TRIM67: variants seen among roughly 807,000 people sequenced by gnomAD.
TRIM67 encodes tripartite motif-containing protein 67.
TRIM67 carries 39 observed loss-of-function variants against 71.0 expected under a neutral mutation model. The observed-to-expected ratio is 0.55, with a 90% CI of 0.43 to 0.72. The LOEUF (loss-of-function observed/expected upper bound fraction) is 0.72. TRIM67 is among the 30% of genes least tolerant of loss of function. The probability of loss-of-function intolerance (pLI) is 0.00; values close to 1 mark genes in which losing one functional copy is unlikely to be tolerated. For synonymous variants in TRIM67, 481 were observed against 473.9 expected, an observed-to-expected ratio of 1.01 and a Z score of -0.19; for missense variants, 973 against 1,079.2, an observed-to-expected ratio of 0.90 and a Z score of 1.38.
intron 6 of TRIM67, 125 bp downstream of exon 6, chr1:231,204,137 G>C (rs898451917): frequency 7.2e-6 from 10 of 1,393,734 alleles, no homozygotes; most frequent in African/African-American, 1.4e-5. Flanking sequence ...AGGGGACACT[G>C]GCCAAAAGGA....
chr1:231,162,916 C>T lies in TRIM67; in HGVS notation c.-54C>T. 1 of 1,575,686 alleles carries T rather than the reference C, an allele frequency of 6.3e-7. No homozygotes were observed. The highest frequency in any genetic ancestry group is 8.6e-7 in the Non-Finnish European group (1 of 1,165,136). On this transcript the variant is annotated 5_prime_UTR_variant, in exon 1 of 10. Coordinates refer to ENST00000366653, the MANE Select transcript of TRIM67 (RefSeq NM_001004342.5). ...CGCTGGTCCTCCTCCGCCAGTCTCC[C>T]GAGCTCCGGCCATTCATCCCCAGCG...
At position 231,213,908 on chromosome 1, in the gene TRIM67, G is replaced by A. The variant is rs1200695602; in HGVS notation, c.2217G>A (p.Gln739=). 2 of 1,613,674 alleles carry A rather than the reference G, an allele frequency of 1.2e-6. No individual in the cohort carries two copies. The highest frequency in any genetic ancestry group is 2.7e-5 in the African/African-American group (2 of 74,918). The change falls in exon 9 of 10, where the codon CAG becomes CAA. Residue 739 remains glutamine (Q), a synonymous_variant. Coordinates refer to ENST00000366653, the MANE Select transcript of TRIM67 (RefSeq NM_001004342.5). Reference sequence around the variant, plus strand: ...CCTTCTTCATCAACGGGCAGCAGCAGGGCCCCACAGCCTTCAGCCACGTGG... The same window carrying A: ...CCTTCTTCATCAACGGGCAGCAGCAAGGCCCCACAGCCTTCAGCCACGTGG... The part of the protein sequence containing the change: ...TLTFFINGQQ[Q]GPTAFSHVDG...
At chr1:231,171,040 C>T (rs1682606000) in intron 1 of TRIM67, among the ~76,000 whole-genome samples, 1 of 152,220 alleles carries the variant, frequency 6.6e-6, no homozygotes, top group African/African-American at 2.4e-5. Flanking sequence ...TTTGCATGTA[C>T]ATTAAACTTT....
intron 1 of TRIM67, among the ~76,000 whole-genome samples, chr1:231,182,414 A>C (rs957133405): frequency 6.6e-6 from 1 of 152,156 alleles, no homozygotes; most frequent in African/African-American, 2.4e-5. Context: ...AATTTAAAAA[A>C]AAAATAGTAA....
At chr1:231,214,552 G>A (rs112698463) in intron 9 of TRIM67, among the ~76,000 whole-genome samples, 4,171 of 152,130 alleles carry the variant, frequency 0.027, 80 homozygotes, top group South Asian at 0.046. Context: ...CAAGGCAGGC[G>A]GATCACGAGG....
At position 231,169,993 on chromosome 1, in the gene TRIM67, C is replaced by CTTTTTTTTTTTTTTTTTTTTTTTTTTT. The variant is rs369558747; in HGVS notation, c.1044+5990_1044+5991insTTTTTTTTTTTTTTTTTTTTTTTTTTT. Among the ~76,000 whole-genome samples, 46 of 136,110 alleles carry CTTTTTTTTTTTTTTTTTTTTTTTTTTT rather than the reference C, an allele frequency of 3.4e-4. 2 individuals carry two copies. Among genetic ancestry groups the CTTTTTTTTTTTTTTTTTTTTTTTTTTT allele is most frequent in the African/African-American group, 1.0e-3 (31 of 30,908 alleles). 89.3% of individuals were successfully genotyped at this position (136,110 alleles called of 152,430 possible). Reference sequence around the variant, plus strand: ...CTTTAAAATGTTTTTTTCTTTCTCTCTTTTTTTTTTGAGTTGGAGTTTCAC... The same window carrying CTTTTTTTTTTTTTTTTTTTTTTTTTTT: ...CTTTAAAATGTTTTTTTCTTTCTCTCTTTTTTTTTTTTTTTTTTTTTTTTTTTTTTTTTTTTTGAGTTGGAGTTTCAC... On this transcript the variant is annotated intron_variant, in intron 1 of 9. Transcript: ENST00000366653.
Position 231,217,020 on chromosome 1 carries a change from C to T in TRIM67, c.*1580C>T. On this transcript the variant is annotated 3_prime_UTR_variant, in exon 10 of 10. Transcript: ENST00000366653. ...ATTTTTATAAAATTCGCCCATTCAC[C>T]AGCACCAACTGTGCGTCCTTGGTTC... 2 of 985,890 alleles carry T rather than the reference C, an allele frequency of 2.0e-6. No homozygotes were observed. The highest frequency in any genetic ancestry group is 4.7e-5 in the South Asian group (1 of 21,284). 61.1% of individuals were successfully genotyped at this position (985,890 alleles called of 1,614,324 possible).
At chr1:231,169,810 G>A (rs1682576742) in intron 1 of TRIM67, among the ~76,000 whole-genome samples, 1 of 152,052 alleles carries the variant, frequency 6.6e-6, no homozygotes, top group Admixed American at 6.6e-5. Context: ...TCAGAGCCCT[G>A]GGAAGATGAG....
intron 8 of TRIM67, among the ~76,000 whole-genome samples, chr1:231,210,059 C>A (rs944385771): frequency 6.6e-6 from 1 of 152,222 alleles, no homozygotes; most frequent in African/African-American, 2.4e-5. Flanking sequence ...GGATTTTGTG[C>A]TCACACCTGG....
In TRIM67 at chr1:231,201,467, C is replaced by T. The variant is rs780967833; in HGVS notation, c.1484C>T (p.Pro495Leu). 8 of 1,613,732 alleles carry T rather than the reference C, an allele frequency of 5.0e-6. No homozygotes were observed. The highest frequency in any genetic ancestry group is 1.6e-4 in the Middle Eastern group (1 of 6,084). ...AEFDLTLDSE[P>L]LLQAIHQLDF... The stretch of plus-strand genomic sequence containing the variant: ...TTTGATCTGACTTTGGACAGCGAGC[C>T]GCTGCTGCAGGCCATCCACCAGCTG... Residue 495 changes from proline (P) to leucine (L), a missense_variant, in exon 5 of 10, where the codon CCG becomes CTG. Pro to Leu is a moderately conservative substitution (Grantham distance 98). Coordinates refer to ENST00000366653, the MANE Select transcript of TRIM67 (RefSeq NM_001004342.5).
chr1:231,167,896 C>T (rs1268472855), intron 1 of TRIM67, among the ~76,000 whole-genome samples: 1 of 151,944 alleles, frequency 6.6e-6, no homozygotes, highest in Non-Finnish European at 1.5e-5. Flanking sequence ...ACATACGTGA[C>T]AAAGAACATG....
intron 1 of TRIM67, chr1:231,187,626 T>C: frequency 7.0e-7 from 1 of 1,425,262 alleles, no homozygotes; most frequent in Middle Eastern, 2.4e-4. Context: ...CTTCGATTCC[T>C]GTTTTAATAC....
chr1:231,168,506 C>A (rs965022305), intron 1 of TRIM67, among the ~76,000 whole-genome samples: 1 of 152,136 alleles, frequency 6.6e-6, no homozygotes, highest in Non-Finnish European at 1.5e-5. Flanking sequence ...TTCCAAATTA[C>A]CTTTCATAAA....
chr1:231,197,853 GAGAAGGAGAAGGAGAAGGAGA>G (rs1318370014), intron 2 of TRIM67, among the ~76,000 whole-genome samples: 1 of 135,776 alleles, frequency 7.4e-6, no homozygotes, highest in African/African-American at 2.9e-5. Context: ...GAAGAAGAAG[GAGAAGGAGAAGGAGAAGGAGA>G]AGAAGGAGAA....
At chr1:231,213,190 T>G (rs543902103) in intron 8 of TRIM67, among the ~76,000 whole-genome samples, 1 of 152,176 alleles carries the variant, frequency 6.6e-6, no homozygotes, top group South Asian at 2.1e-4. Context: ...TCTTACCCAT[T>G]CTCCATGCTC....
At chr1:231,167,690 A>G (rs1342492507) in intron 1 of TRIM67, among the ~76,000 whole-genome samples, 1 of 151,760 alleles carries the variant, frequency 6.6e-6, no homozygotes, top group Non-Finnish European at 1.5e-5. Context: ...CCTGGCCTTA[A>G]GTGATCTTCC....
intron 1 of TRIM67, among the ~76,000 whole-genome samples, chr1:231,171,451 T>C (rs762828489): frequency 6.6e-6 from 1 of 152,220 alleles, no homozygotes; most frequent in East Asian, 1.9e-4. Flanking sequence ...TGGGTCTTAG[T>C]TGTTCTCTAA....
chr1:231,216,995 A>C lies in TRIM67; in HGVS notation c.*1555A>C. 3 of 985,842 alleles carry C rather than the reference A, an allele frequency of 3.0e-6. No homozygotes were observed. Among genetic ancestry groups the C allele is most frequent in the South Asian group, 4.7e-5 (1 of 21,286 alleles). The allele number at this position is 985,842 out of a possible 1,614,324, so 61.1% of individuals were successfully genotyped here. A position where few individuals can be genotyped will look rare whatever the true frequency, so the allele number is the denominator to read the frequency against. On this transcript the variant is annotated 3_prime_UTR_variant, in exon 10 of 10. Transcript: ENST00000366653. ...GTGACTTGTCAATTTGCTGGACTGG[A>C]TTTTTATAAAATTCGCCCATTCACC...
chr1:231,187,791 G>A lies in TRIM67; in HGVS notation c.1045-9580G>A, dbSNP rs1176425168. Among the ~76,000 whole-genome samples, 8 of 152,204 alleles carry A rather than the reference G, an allele frequency of 5.3e-5. No individual in the cohort carries two copies. In the East Asian group the frequency reaches 1.5e-3, roughly 29 times the overall value. On this transcript the variant is annotated intron_variant, in intron 1 of 9. Coordinates refer to ENST00000366653, the MANE Select transcript of TRIM67 (RefSeq NM_001004342.5). ...TCTCTGATCCACGCCAGGCACAAAGGAGCTGCTGTAGTGCTTCTGGAGAGA... is the reference window on the plus strand; with the variant it reads ...TCTCTGATCCACGCCAGGCACAAAGAAGCTGCTGTAGTGCTTCTGGAGAGA...
Sources: allele counts gnomAD v4.1 joint callset (sites outside exome capture counted in the v4.1 genomes callset), GRCh38; gene constraint gnomAD v4.1.1; transcripts MANE v1.5; gene names NCBI Gene and HGNC (gene_info 2026-07-23, HGNC 2026-07-21).